The following TMEM135 variants were observed in gnomAD, a reference collection of about 807,000 sequenced individuals.
TMEM135 encodes transmembrane protein 135.
Under a neutral mutation model 60.3 loss-of-function variants are expected in TMEM135, and 30 were observed. The observed-to-expected ratio is 0.50, with a 90% confidence interval of 0.37 to 0.68. The LOEUF (loss-of-function observed/expected upper bound fraction) is 0.68. Ranked by LOEUF, TMEM135 falls within the 30% of genes least tolerant of loss-of-function variation. The pLI is 0.00. For missense variants in TMEM135, 468 were observed against 548.8 expected (o/e 0.85, Z 1.47); for synonymous variants, 190 against 186.7 (o/e 1.02, Z -0.14).
At chr11:87,239,926 A>C (rs550501408) in intron 6 of TMEM135, among the ~76,000 whole-genome samples, 15 of 152,222 alleles carry the variant, frequency 9.9e-5, no homozygotes, top group Admixed American at 3.9e-4. Flanking sequence ...CATAGCTCTT[A>C]ATAGTTTTTT....
intron 5 of TMEM135, among the ~76,000 whole-genome samples, chr11:87,189,513 A>T (rs1259008145): frequency 6.6e-6 from 1 of 152,100 alleles, no homozygotes; most frequent in Non-Finnish European, 1.5e-5. Context: ...GGTGATGAGG[A>T]TGGCAGACAG....
chr11:87,318,276 G>A (rs1554988517), intron 13 of TMEM135, 41 bp downstream of exon 13: 1 of 1,342,366 alleles, frequency 7.4e-7, no homozygotes, highest in Non-Finnish European at 1.1e-6. Flanking sequence ...AATGATTCCT[G>A]TTTCTAATGT....
chr11:87,193,297 A>C (rs1399281088), intron 5 of TMEM135, among the ~76,000 whole-genome samples: 1 of 152,204 alleles, frequency 6.6e-6, no homozygotes, highest in Non-Finnish European at 1.5e-5. Context: ...AGAAATATTT[A>C]GGAGATACTT....
chr11:87,159,617 A>ACACCCCCCC (rs140303858), intron 5 of TMEM135, among the ~76,000 whole-genome samples: 2,229 of 149,394 alleles, frequency 0.015, 53 homozygotes, highest in African/African-American at 0.052. Flanking sequence ...ACACACACAC[A>ACACCCCCCC]CCATAGATTT....
intron 5 of TMEM135, among the ~76,000 whole-genome samples, chr11:87,166,675 G>C (rs189761581): frequency 4.0e-5 from 6 of 151,450 alleles, no homozygotes; most frequent in African/African-American, 1.5e-4. Flanking sequence ...TATCTGTTTT[G>C]GTACCAGTAC....
intron 4 of TMEM135, among the ~76,000 whole-genome samples, chr11:87,092,503 G>T (rs887429002): frequency 2.6e-5 from 4 of 152,100 alleles, no homozygotes; most frequent in Non-Finnish European, 5.9e-5. Context: ...AAAGCCTAGG[G>T]TATGCCATCA....
intron 5 of TMEM135, among the ~76,000 whole-genome samples, chr11:87,164,069 T>A (rs1394446423): frequency 7.6e-6 from 1 of 131,504 alleles, no homozygotes; most frequent in African/African-American, 2.9e-5. Context: ...AATTTTGTCT[T>A]TTGTTGCCAT....
chr11:87,099,769 G>T (rs112588280), intron 4 of TMEM135, among the ~76,000 whole-genome samples: 1 of 140,690 alleles, frequency 7.1e-6, no homozygotes, highest in Admixed American at 7.5e-5. Flanking sequence ...TGCAACCTCC[G>T]CCTCCCAGGT....
intron 4 of TMEM135, among the ~76,000 whole-genome samples, chr11:87,142,691 C>T (rs1175078023): frequency 6.6e-6 from 1 of 151,168 alleles, no homozygotes; most frequent in Non-Finnish European, 1.5e-5. Context: ...AGATTTCCTC[C>T]TCCTCCTCCT....
chr11:87,277,752 C>T (rs1941994297), intron 6 of TMEM135, among the ~76,000 whole-genome samples: 1 of 152,060 alleles, frequency 6.6e-6, no homozygotes, highest in Admixed American at 6.6e-5. Context: ...GAACTCCTAA[C>T]CTTAGGTGAT....
intron 6 of TMEM135, among the ~76,000 whole-genome samples, chr11:87,270,127 G>A (rs189940013): frequency 5.4e-5 from 8 of 147,984 alleles, no homozygotes; most frequent in Admixed American, 1.4e-4. Flanking sequence ...GCATCTTTTG[G>A]CTGCATAAAT....
At chr11:87,088,622 A>G (rs1014236258) in intron 3 of TMEM135, among the ~76,000 whole-genome samples, 3 of 152,350 alleles carry the variant, frequency 2.0e-5, no homozygotes, top group Admixed American at 1.3e-4. Context: ...CGGTCTATTC[A>G]GTTAACTCTT....
At chr11:87,200,646 T>C (rs942807118) in intron 5 of TMEM135, among the ~76,000 whole-genome samples, 4 of 152,182 alleles carry the variant, frequency 2.6e-5, no homozygotes, top group African/African-American at 4.8e-5. Context: ...TAGTTTACAT[T>C]AGGATTCACT....
chr11:87,108,275 C>T (rs1200358059), intron 4 of TMEM135, among the ~76,000 whole-genome samples: 1 of 152,062 alleles, frequency 6.6e-6, no homozygotes, highest in African/African-American at 2.4e-5. Context: ...AATTAGATCC[C>T]ATTTATTAAT....
At chr11:87,146,700 G>A (rs1182158393) in intron 4 of TMEM135, among the ~76,000 whole-genome samples, 1 of 152,096 alleles carries the variant, frequency 6.6e-6, no homozygotes. Context: ...CTAGACCTTG[G>A]ATTCAATGTT....
intron 3 of TMEM135, among the ~76,000 whole-genome samples, chr11:87,075,685 C>T (rs1856856788): frequency 6.6e-6 from 1 of 152,176 alleles, no homozygotes; most frequent in Non-Finnish European, 1.5e-5. Flanking sequence ...GTATGTAATA[C>T]ATTTCTGATT....
At chr11:87,170,258 T>G (rs7942516) in intron 5 of TMEM135, among the ~76,000 whole-genome samples, 9,366 of 152,186 alleles carry the variant, frequency 0.062, 465 homozygotes, top group African/African-American at 0.14. Context: ...AGGAGTTTGT[T>G]ATTACCCACC....
Position 87,195,314 on chromosome 11 carries a change from T to TTTCG in TMEM135, c.462+37911_462+37912insGTTC, listed in dbSNP as rs1939910805. Among the ~76,000 whole-genome samples, 5 of 65,664 alleles carry TTTCG rather than the reference T, an allele frequency of 7.6e-5. No individual in the cohort carries two copies. The Admixed American group carries it at 8.1e-4, about 11-fold the overall frequency. 43.1% of individuals were successfully genotyped at this position (65,664 alleles called of 152,430 possible). A position where few individuals can be genotyped will look rare whatever the true frequency, so the allele number is the denominator to read the frequency against. ...AAAAGTCATTTTCTCTTTCTTTCTC[T>TTTCG]TTCCTTCCTTCCTTCCTTCCTTCCT... On this transcript the variant is annotated intron_variant, in intron 5 of 14. Coordinates refer to ENST00000305494, the MANE Select transcript of TMEM135 (RefSeq NM_022918.4).
At chr11:87,235,905 C>G (rs1026941521) in intron 5 of TMEM135, among the ~76,000 whole-genome samples, 2 of 151,836 alleles carry the variant, frequency 1.3e-5, no homozygotes, top group African/African-American at 4.8e-5. Context: ...ACTTTTATAG[C>G]TAGTCTGTAT....
Sources: allele counts gnomAD v4.1 joint callset (sites outside exome capture counted in the v4.1 genomes callset), GRCh38; gene constraint gnomAD v4.1.1; transcripts MANE v1.5; gene names NCBI Gene and HGNC (gene_info 2026-07-23, HGNC 2026-07-21).